Variants in ABCC5 observed in about 807,000 individuals in gnomAD.
ABCC5 encodes the protein ATP binding cassette subfamily C member 5.
ABCC5 carries 61 observed loss-of-function variants against 160.9 expected under a neutral mutation model. That is an observed-to-expected ratio of 0.38 (90% CI 0.31 to 0.47). The LOEUF is 0.47. Ranked by LOEUF, ABCC5 falls within the 20% of genes least tolerant of loss-of-function variation. The probability of loss-of-function intolerance (pLI) is 0.99; values close to 1 mark genes in which losing one functional copy is unlikely to be tolerated. For synonymous variants in ABCC5, 666 were observed against 700.6 expected (o/e 0.95, Z 0.78); for missense variants, 1,308 against 1,813.3 (o/e 0.72, Z 5.06).
chr3:183,934,618 C>T (rs549435827), intron 26 of ABCC5, among the ~76,000 whole-genome samples: 21 of 152,316 alleles, frequency 1.4e-4, no homozygotes, highest in Non-Finnish European at 2.5e-4. Flanking sequence ...AAGCTACAGG[C>T]GCACGATGTT....
intron 18 of ABCC5, among the ~76,000 whole-genome samples, chr3:183,952,471 T>C (rs1232397672): frequency 2.0e-5 from 3 of 152,110 alleles, no homozygotes; most frequent in African/African-American, 2.4e-5. Flanking sequence ...TCTAATGTCA[T>C]ATGGTTTGGC....
Position 183,921,285 on chromosome 3 carries a change from G to A in ABCC5, c.*15C>T, listed in dbSNP as rs764932902. The A allele has an allele frequency of 5.5e-6, 8 of 1,448,928 alleles. No homozygotes were observed. The highest frequency in any genetic ancestry group is 3.5e-5 in the South Asian group (3 of 85,394). 89.8% of individuals were successfully genotyped at this position (1,448,928 alleles called of 1,614,324 possible). On this transcript the variant is annotated 3_prime_UTR_variant, in exon 30 of 30. Coordinates refer to ENST00000334444, the MANE Select transcript of ABCC5 (RefSeq NM_005688.4). The surrounding 1 kb of genome is among the most constrained non-coding windows in gnomAD (Gnocchi z 4.1). ...CAATGCTCTAAAGAAAAGAGACTTCGTCAACAGGGAGGAGTCAGCCCTTGA... is the reference window on the plus strand; with the variant it reads ...CAATGCTCTAAAGAAAAGAGACTTCATCAACAGGGAGGAGTCAGCCCTTGA...
In ABCC5 at chr3:183,942,714, T is replaced by C; in HGVS notation, c.3694+13A>G. 4 of 1,609,426 alleles carry C rather than the reference T, an allele frequency of 2.5e-6. No individual in the cohort carries two copies. The highest frequency in any genetic ancestry group is 3.4e-6 in the Non-Finnish European group (4 of 1,176,434). The stretch of plus-strand genomic sequence containing the variant: ...GTTCCAATGGATTCAAAGAAGGCTT[T>C]GCACATCCTTACCTGATCCTGTCCG... On this transcript the variant is annotated intron_variant, in intron 25 of 29. Coordinates refer to ENST00000334444, the MANE Select transcript of ABCC5 (RefSeq NM_005688.4).
chr3:183,938,144 A>T (rs903151404), intron 25 of ABCC5, 84 bp from the exon 26 acceptor site: 6 of 1,342,454 alleles, frequency 4.5e-6, no homozygotes, highest in Non-Finnish European at 6.2e-6. Context: ...GGCAATGCCA[A>T]CTATTTTTCC....
intron 17 of ABCC5, among the ~76,000 whole-genome samples, chr3:183,958,778 T>C (rs1249563412): frequency 2.0e-5 from 3 of 152,044 alleles, no homozygotes; most frequent in Non-Finnish European, 4.4e-5. Context: ...TTTATATTTT[T>C]TGGAGAGAAG....
intron 12 of ABCC5, 135 bp downstream of exon 12, chr3:183,967,560 A>C: frequency 1.3e-6 from 1 of 769,182 alleles, no homozygotes; most frequent in Non-Finnish European, 2.2e-6. Flanking sequence ...ACTGCGGGGG[A>C]TTGGGGGCAT....
chr3:183,999,614 T>C (rs1576927691), intron 2 of ABCC5, among the ~76,000 whole-genome samples: 1 of 151,654 alleles, frequency 6.6e-6, no homozygotes, highest in East Asian at 2.0e-4. Context: ...CCCATCTATA[T>C]ACAGCATTTT....
Position 183,977,574 on chromosome 3 carries a change from T to C in ABCC5, c.1347A>G (p.Val449=). ...AGAGGGACTTTACTGAAAACGGTGT[T>C]ACTTTCAAAGCAAAAGTCATGGAAT... is the stretch of plus-strand genomic sequence containing the variant. ...VFNSMTFALK[V]TPFSVKSLSE... The change falls in exon 10 of 30, where the codon GTA becomes GTG. Residue 449 remains valine (V), a synonymous_variant. Transcript: ENST00000334444. The C allele has an allele frequency of 6.2e-7, 1 of 1,614,126 alleles. No homozygotes were observed. The highest frequency in any genetic ancestry group is 8.5e-7 in the Non-Finnish European group (1 of 1,179,986).
intron 10 of ABCC5, among the ~76,000 whole-genome samples, chr3:183,973,818 A>G (rs1045262778): frequency 2.0e-5 from 3 of 152,252 alleles, no homozygotes; most frequent in African/African-American, 7.2e-5. Flanking sequence ...TCACCTTCAC[A>G]GAGTAAAACC....
At chr3:183,967,470 G>A in intron 12 of ABCC5, 1 of 515,690 alleles carries the variant, frequency 1.9e-6, no homozygotes, top group South Asian at 2.0e-5. Flanking sequence ...GTTCCAGCTG[G>A]GACAACAGTC....
intron 2 of ABCC5, among the ~76,000 whole-genome samples, chr3:183,996,601 C>T (rs1360450759): frequency 1.3e-5 from 2 of 152,160 alleles, no homozygotes; most frequent in Non-Finnish European, 1.5e-5. Context: ...CCAGGTTTCT[C>T]GTGAGTACTG....
chr3:183,953,188 G>T lies in ABCC5; in HGVS notation c.2565C>A (p.Gly855=), dbSNP rs1311758833. The part of the protein sequence containing the change: ...VYGVYIQAAG[G]PLAFLVIMAL... ...CCATAATAACCAGGAATGCCAAGGG[G>T]CCCCCAGCAGCCTGGATGTAGACAC... is the stretch of plus-strand genomic sequence containing the variant. The change falls in exon 18 of 30, where the codon GGC becomes GGA. Residue 855 remains glycine (G), a synonymous_variant. Coordinates refer to ENST00000334444, the MANE Select transcript of ABCC5 (RefSeq NM_005688.4). 6.2e-7 allele frequency: 1 copy of T among 1,614,082 alleles called. No homozygotes were observed. The highest frequency in any genetic ancestry group is 2.2e-5 in the East Asian group (1 of 44,882).
At chr3:183,989,821 T>C (rs1719584662) in intron 2 of ABCC5, among the ~76,000 whole-genome samples, 1 of 152,156 alleles carries the variant, frequency 6.6e-6, no homozygotes, top group Non-Finnish European at 1.5e-5. Context: ...TTGGGTTTTT[T>C]TGAGATAGAG....
chr3:183,939,552 C>T (rs1184928165), intron 25 of ABCC5, among the ~76,000 whole-genome samples: 3 of 152,206 alleles, frequency 2.0e-5, no homozygotes, highest in Non-Finnish European at 4.4e-5. Context: ...TCAGCCAGCC[C>T]TCTAAGGGTC....
At chr3:184,002,440 A>G (rs922540874) in intron 2 of ABCC5, among the ~76,000 whole-genome samples, 3 of 152,124 alleles carry the variant, frequency 2.0e-5, no homozygotes, top group African/African-American at 7.2e-5. Flanking sequence ...CAATAACAAA[A>G]AGCAATTCAG....
chr3:183,955,639 CGTGTGTATATCACATCG>C (rs1715808931), intron 17 of ABCC5, among the ~76,000 whole-genome samples: 1 of 151,980 alleles, frequency 6.6e-6, no homozygotes, highest in African/African-American at 2.4e-5. Context: ...CATGCAGATC[CGTGTGTATATCACATCG>C]GTTACATGCA....
At chr3:183,941,787 G>A (rs1213781447) in intron 25 of ABCC5, among the ~76,000 whole-genome samples, 7 of 151,758 alleles carry the variant, frequency 4.6e-5, no homozygotes, top group South Asian at 2.1e-4. Flanking sequence ...AATCGAGACC[G>A]TCCTGGCCAA....
chr3:184,003,420 T>C (rs1720914339), intron 2 of ABCC5, among the ~76,000 whole-genome samples: 2 of 152,094 alleles, frequency 1.3e-5, no homozygotes, highest in African/African-American at 2.4e-5. Context: ...CATCTTAAGC[T>C]CTTCCCTTAA....
chr3:184,013,616 A>T (rs1164882294), intron 2 of ABCC5, among the ~76,000 whole-genome samples: 1 of 152,152 alleles, frequency 6.6e-6, no homozygotes, highest in Non-Finnish European at 1.5e-5. Flanking sequence ...GTTTAGGTAC[A>T]TGAATGAAGC....
Sources: gnomAD v4.1 joint callset for allele counts (sites outside exome capture counted in the v4.1 genomes callset) on GRCh38, gnomAD v4.1.1 for gene constraint, Gnocchi (gnomAD v3.1) non-coding constraint, MANE v1.5 for transcripts, NCBI Gene and HGNC (gene_info 2026-07-23, HGNC 2026-07-21) for gene names.